Variants in CHST13 observed in about 807,000 individuals in gnomAD.
CHST13 encodes the protein carbohydrate sulfotransferase 13, also known as C4ST-3.
Under a neutral mutation model 7.0 loss-of-function variants are expected in CHST13, and 1 was observed. The ratio of observed to expected loss-of-function variants is 0.14; its 90% confidence interval spans 0.05 to 0.68. The LOEUF is 0.68. Ranked by LOEUF, CHST13 falls within the 30% of genes least tolerant of loss-of-function variation. The probability of loss-of-function intolerance (pLI) is 0.82; values close to 1 mark genes in which losing one functional copy is unlikely to be tolerated. For synonymous variants in CHST13, 257 were observed against 240.9 expected, an observed-to-expected ratio of 1.07 and a Z score of -0.62; for missense variants, 572 against 507.9, an observed-to-expected ratio of 1.13 and a Z score of -1.21.
chr3:126,541,677 C>A, intron 2 of CHST13, 56 bp from the exon 3 acceptor site: 2 of 1,371,370 alleles, frequency 1.5e-6, no homozygotes, highest in South Asian at 3.2e-5. Context: ...GCGCCAGAGT[C>A]AGGGAGCCCG....
chr3:126,538,608 C>T (rs772896309), intron 2 of CHST13, among the ~76,000 whole-genome samples: 2 of 152,258 alleles, frequency 1.3e-5, no homozygotes, highest in African/African-American at 4.8e-5. Flanking sequence ...CCAACATTCC[C>T]TGCCACAAGA....
At chr3:126,538,045 G>A (rs1322177161) in intron 2 of CHST13, among the ~76,000 whole-genome samples, 3 of 152,206 alleles carry the variant, frequency 2.0e-5, no homozygotes, top group Admixed American at 6.5e-5. Context: ...TGGAGCCCCG[G>A]CTTCCCCAAA....
intron 2 of CHST13, 38 bp from the exon 3 acceptor site, chr3:126,541,695 C>T (rs1394772057): frequency 7.1e-7 from 1 of 1,410,290 alleles, no homozygotes; most frequent in East Asian, 2.8e-5. Flanking sequence ...CCGCGCTGCC[C>T]TGACGCGTCC....
intron 1 of CHST13, among the ~76,000 whole-genome samples, chr3:126,524,885 C>A (rs769982170): frequency 2.0e-5 from 3 of 152,130 alleles, no homozygotes; most frequent in Non-Finnish European, 2.9e-5. Flanking sequence ...GTGCCACTCC[C>A]TGCTCCACCC....
chr3:126,529,383 C>T (rs371186456), intron 1 of CHST13: 40 of 1,289,164 alleles, frequency 3.1e-5, no homozygotes, highest in African/African-American at 1.2e-4. Flanking sequence ...CTACGGATGC[C>T]GCAAGGGGGG....
chr3:126,534,416 C>A (rs1460925754), intron 1 of CHST13, among the ~76,000 whole-genome samples: 1 of 152,128 alleles, frequency 6.6e-6, no homozygotes, highest in Admixed American at 6.5e-5. Context: ...CAGACAGCAT[C>A]CCTGTCCTCA....
chr3:126,536,286 C>T lies in CHST13; in HGVS notation c.113C>T (p.Ala38Val). 1 of 1,613,884 alleles carries T rather than the reference C, an allele frequency of 6.2e-7. No individual in the cohort carries two copies. The highest frequency in any genetic ancestry group is 2.2e-5 in the East Asian group (1 of 44,868). The part of the protein sequence containing the change: ...RSLRPAFGNR[A>V]LGSSWLGGEK... ...ATGCCCACAGCATTTGGAAACAGAGCCCTGGGCTCCAGCTGGCTTGGTGGG... is the reference window on the plus strand; with the variant it reads ...ATGCCCACAGCATTTGGAAACAGAGTCCTGGGCTCCAGCTGGCTTGGTGGG... The change falls in exon 2 of 3, where the codon GCC becomes GTC. Residue 38 changes from alanine to valine, a missense_variant. By Grantham distance (64) the Ala-to-Val change is moderately conservative (BLOSUM62 0). Coordinates refer to ENST00000319340, the MANE Select transcript of CHST13 (RefSeq NM_152889.3).
At chr3:126,529,209 T>C (rs1936597947) in intron 1 of CHST13, 3 of 825,342 alleles carry the variant, frequency 3.6e-6, no homozygotes, top group Non-Finnish European at 5.3e-6. Context: ...TGTAGGTTTC[T>C]AGTGTGGTGT....
Position 126,541,790 on chromosome 3 carries a change from G to T in CHST13, c.238G>T (p.Ala80Ser), listed in dbSNP as rs1331896910. The T allele has an allele frequency of 6.5e-7, 1 of 1,542,146 alleles. No individual in the cohort carries two copies. The change falls in exon 3 of 3, where the codon GCC becomes TCC. Residue 80 changes from alanine to serine, a missense_variant. Ala to Ser is a moderately conservative substitution (Grantham distance 99). Coordinates refer to ENST00000319340, the MANE Select transcript of CHST13 (RefSeq NM_152889.3). ...GCAGCGGCGCGACCTGCTGAACAGC[G>T]CCTGTAGCCGCCACTCACGCCGGCA... The part of the protein sequence containing the change: ...HRQRRDLLNS[A>S]CSRHSRRQRL...
At chr3:126,531,820 C>G (rs1259423637) in intron 1 of CHST13, among the ~76,000 whole-genome samples, 1 of 152,178 alleles carries the variant, frequency 6.6e-6, no homozygotes, top group Admixed American at 6.5e-5. Flanking sequence ...TAGGAACATA[C>G]TTAGGAGAGG....
chr3:126,541,341 TG>T (rs1053835670), intron 2 of CHST13, among the ~76,000 whole-genome samples: 2 of 152,170 alleles, frequency 1.3e-5, no homozygotes, highest in African/African-American at 4.8e-5. Flanking sequence ...AGTTTTCAAT[TG>T]GGTGTGGAAT....
chr3:126,524,820 G>T (rs1936505048), intron 1 of CHST13, among the ~76,000 whole-genome samples: 2 of 152,332 alleles, frequency 1.3e-5, no homozygotes, highest in East Asian at 3.9e-4. Context: ...ATGCGCATAG[G>T]AGGGGAAGCT....
Position 126,536,353 on chromosome 3 carries a change from G to A in CHST13, c.180G>A (p.Gln60=), listed in dbSNP as rs1936790550. The A allele has an allele frequency of 6.2e-7, 1 of 1,612,976 alleles. No individual in the cohort carries two copies. The change falls in exon 2 of 3, where the codon CAG becomes CAA. Residue 60 remains glutamine (Q), a splice_region_variant and synonymous_variant. Transcript: ENST00000319340. ...SPLQKLYDLD[Q]DPRSTLAKVH... The stretch of plus-strand genomic sequence containing the variant: ...TGCAGAAGCTCTATGACCTGGATCA[G>A]GTAGGTGGACAGACCCTCGACCCAG...
At chr3:126,535,664 G>A (rs898802114) in intron 1 of CHST13, among the ~76,000 whole-genome samples, 3 of 152,370 alleles carry the variant, frequency 2.0e-5, no homozygotes, top group African/African-American at 7.2e-5. Flanking sequence ...CTCAGCTGGA[G>A]ACAGACAGAC....
At chr3:126,526,282 C>G (rs1415752083) in intron 1 of CHST13, among the ~76,000 whole-genome samples, 1 of 152,248 alleles carries the variant, frequency 6.6e-6, no homozygotes, top group Non-Finnish European at 1.5e-5. Context: ...TGGGAAAGGC[C>G]TTTTCCTGCC....
rs531948100 is a variant in CHST13, at chr3:126,525,218, G to T, written c.97+789G>T. Among the ~76,000 whole-genome samples the T allele has an allele frequency of 8.5e-5, 13 of 152,268 alleles. No individual in the cohort carries two copies. The East Asian group carries it at 1.5e-3, about 18-fold the overall frequency. ...TTGCCTTTCCTTGTATGTGGTATGCGTGCTGGGTGGGACGACTCAGTCCGC... is the reference window on the plus strand; with the variant it reads ...TTGCCTTTCCTTGTATGTGGTATGCTTGCTGGGTGGGACGACTCAGTCCGC... On this transcript the variant is annotated intron_variant, in intron 1 of 2. Coordinates refer to ENST00000319340, the MANE Select transcript of CHST13 (RefSeq NM_152889.3).
At chr3:126,528,978 G>A (rs910064339) in intron 1 of CHST13, among the ~76,000 whole-genome samples, 16 of 152,352 alleles carry the variant, frequency 1.1e-4, no homozygotes, top group Non-Finnish European at 1.9e-4. Context: ...CCTGCTGGCA[G>A]GAGCTTGCTG....
intron 2 of CHST13, among the ~76,000 whole-genome samples, chr3:126,536,896 A>AACAAAC (rs1936805585): frequency 7.1e-6 from 1 of 140,400 alleles, no homozygotes; most frequent in Admixed American, 7.1e-5. Flanking sequence ...CACACACACA[A>AACAAAC]ACACACACAC....
At chr3:126,531,031 T>C (rs1235548177) in intron 1 of CHST13, among the ~76,000 whole-genome samples, 1 of 152,272 alleles carries the variant, frequency 6.6e-6, no homozygotes, top group Non-Finnish European at 1.5e-5. Flanking sequence ...TGGAGGCCAG[T>C]GCAAGGCCCG....
Sources: allele counts gnomAD v4.1 joint callset (sites outside exome capture counted in the v4.1 genomes callset), GRCh38; gene constraint gnomAD v4.1.1; transcripts MANE v1.5; gene names NCBI Gene and HGNC (gene_info 2026-07-23, HGNC 2026-07-21).